The following INVS variants were observed in gnomAD, a reference collection of about 807,000 sequenced individuals.
INVS encodes inversin.
A neutral mutation model predicts 108.8 loss-of-function variants in INVS; 86 were observed. The observed-to-expected ratio is 0.79, with a 90% CI of 0.66 to 0.95. The LOEUF (loss-of-function observed/expected upper bound fraction) is 0.95, where lower values mean the gene tolerates loss of function less well. Ranked by LOEUF, INVS falls within the 40% of genes least tolerant of loss-of-function variation. The probability of loss-of-function intolerance (pLI) is 0.00; values close to 1 mark genes in which losing one functional copy is unlikely to be tolerated. For missense variants in INVS, 1,169 were observed against 1,297.4 expected, an observed-to-expected ratio of 0.90 and a Z score of 1.52; for synonymous variants, 455 against 473.5, an observed-to-expected ratio of 0.96 and a Z score of 0.51.
At chr9:100,252,822 A>T in intron 9 of INVS, 85 bp from the exon 10 acceptor site, 1 of 904,900 alleles carries the variant, frequency 1.1e-6, no homozygotes, top group Non-Finnish European at 1.8e-6. Context: ...AAATGCATTT[A>T]AGGAACAATT....
chr9:100,255,448 G>A (rs866290323), intron 10 of INVS, among the ~76,000 whole-genome samples: 20 of 150,748 alleles, frequency 1.3e-4, no homozygotes, highest in Non-Finnish European at 2.2e-4. Context: ...TTCCAACACT[G>A]TGTTGAATAG....
chr9:100,182,711 G>A (rs1829930029), intron 3 of INVS, among the ~76,000 whole-genome samples: 1 of 152,096 alleles, frequency 6.6e-6, no homozygotes, highest in Admixed American at 6.6e-5. Context: ...CCTTTGTGAA[G>A]ACAGTGTGGC....
intron 3 of INVS, among the ~76,000 whole-genome samples, chr9:100,141,118 G>A (rs1828414581): frequency 6.6e-6 from 1 of 152,198 alleles, no homozygotes; most frequent in Non-Finnish European, 1.5e-5. Context: ...GTTGAGAACA[G>A]TGAATAGGAG....
intron 5 of INVS, among the ~76,000 whole-genome samples, chr9:100,235,301 G>A (rs2118465625): frequency 1.3e-5 from 2 of 152,102 alleles, no homozygotes; most frequent in Middle Eastern, 6.8e-3. Flanking sequence ...GCACGCTGGT[G>A]GGTCTTGACT....
In INVS at chr9:100,179,933, A is replaced by G. The variant is rs148131410; in HGVS notation, c.274-46129A>G. On this transcript the variant is annotated intron_variant, in intron 3 of 16. Transcript: ENST00000262457. ...GCAAATGCAAAAGAATGGAAATCGT[A>G]ACAGTCTCTCAGACCACAGTGCAAT... Among the ~76,000 whole-genome samples, 63 of 152,316 alleles carry G rather than the reference A, an allele frequency of 4.1e-4. No individual in the cohort carries two copies. In the East Asian group the frequency reaches 0.011, roughly 27 times the overall value.
chr9:100,151,049 A>G (rs992095910), intron 3 of INVS, among the ~76,000 whole-genome samples: 1 of 152,202 alleles, frequency 6.6e-6, no homozygotes. Flanking sequence ...AGATGGTGAC[A>G]TGTGAAGCAA....
chr9:100,202,022 G>A (rs898989979), intron 3 of INVS, among the ~76,000 whole-genome samples: 3 of 152,102 alleles, frequency 2.0e-5, no homozygotes, highest in Admixed American at 2.0e-4. Context: ...GTCATTAGGG[G>A]GTGCTTTTAT....
At chr9:100,161,449 TGTCA>T (rs1345137249) in intron 3 of INVS, among the ~76,000 whole-genome samples, 1 of 151,864 alleles carries the variant, frequency 6.6e-6, no homozygotes, top group Non-Finnish European at 1.5e-5. Flanking sequence ...ACTTTAATTT[TGTCA>T]GTCTGCCAGA....
intron 3 of INVS, among the ~76,000 whole-genome samples, chr9:100,225,183 G>A (rs1050176016): frequency 6.6e-6 from 1 of 151,236 alleles, no homozygotes; most frequent in African/African-American, 2.4e-5. Flanking sequence ...TCAGCCTCCC[G>A]AGTAAATGGG....
rs149775648 is a variant in INVS, at chr9:100,273,920, C to A, written c.1784+844C>A. 1.8e-4 allele frequency among the ~76,000 whole-genome samples: 27 copies of A among 152,228 alleles called. No homozygotes were observed. The East Asian group carries it at 5.2e-3, about 29-fold the overall frequency. ...ATTGATTGAATTCTTACTATACAGA[C>A]AAAATGCTTGGCTAGAGCCCAGAGA... is the stretch of plus-strand genomic sequence containing the variant. On this transcript the variant is annotated intron_variant, in intron 12 of 16. Coordinates refer to ENST00000262457, the MANE Select transcript of INVS (RefSeq NM_014425.5).
At chr9:100,174,970 G>C (rs1229381990) in intron 3 of INVS, among the ~76,000 whole-genome samples, 1 of 152,058 alleles carries the variant, frequency 6.6e-6, no homozygotes, top group Admixed American at 6.6e-5. Context: ...AACCAAAGAT[G>C]AAGAGAAACT....
chr9:100,294,027 G>T (rs149370196), intron 14 of INVS, among the ~76,000 whole-genome samples: 1 of 152,158 alleles, frequency 6.6e-6, no homozygotes, highest in African/African-American at 2.4e-5. Flanking sequence ...AATTACCTAC[G>T]CATGGTGGCA....
At chr9:100,141,029 T>A (rs145405535) in intron 3 of INVS, among the ~76,000 whole-genome samples, 31,891 of 151,998 alleles carry the variant, frequency 0.21, 5,685 homozygotes, top group African/African-American at 0.49. Flanking sequence ...TGGGGATAGC[T>A]CCAGGAGATA....
At chr9:100,132,365 C>T (rs1382917545) in intron 3 of INVS, among the ~76,000 whole-genome samples, 1 of 152,186 alleles carries the variant, frequency 6.6e-6, no homozygotes, top group Non-Finnish European at 1.5e-5. Context: ...TCACTATCCA[C>T]TCCCTGCCCT....
chr9:100,156,139 A>T (rs1828970866), intron 3 of INVS, among the ~76,000 whole-genome samples: 2 of 152,196 alleles, frequency 1.3e-5, no homozygotes, highest in African/African-American at 4.8e-5. Flanking sequence ...TACTGGAGTC[A>T]TGTCAAAGGG....
intron 3 of INVS, among the ~76,000 whole-genome samples, chr9:100,200,177 CATTT>C (rs1481051887): frequency 6.6e-6 from 1 of 152,178 alleles, no homozygotes; most frequent in African/African-American, 2.4e-5. Flanking sequence ...GAGATTCCCT[CATTT>C]GTTTGGTAAT....
At chr9:100,117,344 A>T in intron 2 of INVS, 1 of 740,544 alleles carries the variant, frequency 1.4e-6, no homozygotes, top group Non-Finnish European at 2.4e-6. Context: ...GGCCCCCAGG[A>T]AAAAGTCAAT....
chr9:100,104,335 T>G (rs762070132), intron 1 of INVS, among the ~76,000 whole-genome samples, 163 bp from the exon 2 acceptor site: 26 of 152,240 alleles, frequency 1.7e-4, no homozygotes, highest in Admixed American at 3.9e-4. Flanking sequence ...AAACTGCTAG[T>G]ATTACAGATA....
At chr9:100,217,465 C>T (rs1052109045) in intron 3 of INVS, among the ~76,000 whole-genome samples, 1 of 152,242 alleles carries the variant, frequency 6.6e-6, no homozygotes, top group African/African-American at 2.4e-5. Context: ...CCATCAGAGA[C>T]GAAAAGCGTC....
Sources: allele counts gnomAD v4.1 joint callset (sites outside exome capture counted in the v4.1 genomes callset), GRCh38; gene constraint gnomAD v4.1.1; transcripts MANE v1.5; gene names NCBI Gene and HGNC (gene_info 2026-07-23, HGNC 2026-07-21).